The following KMT5B variants were observed in gnomAD, a reference collection of about 807,000 sequenced individuals.
KMT5B encodes lysine methyltransferase 5B.
A neutral mutation model predicts 83.2 loss-of-function variants in KMT5B; 10 were observed. The observed-to-expected ratio is 0.12, with a 90% CI of 0.07 to 0.20. KMT5B has a LOEUF of 0.20. Ranked by LOEUF, KMT5B falls within the 10% of genes least tolerant of loss-of-function variation. KMT5B has a pLI of 1.00. For missense variants in KMT5B, 753 were observed against 1,067.2 expected, an observed-to-expected ratio of 0.71 and a Z score of 4.10; for synonymous variants, 349 against 388.8, an observed-to-expected ratio of 0.90 and a Z score of 1.20.
chr11:68,185,211 C>CT (rs71461691), intron 3 of KMT5B, among the ~76,000 whole-genome samples: 56 of 147,040 alleles, frequency 3.8e-4, no homozygotes, highest in East Asian at 7.9e-4. Context: ...TTGTCATCAC[C>CT]TTTTTTTTTT....
At chr11:68,181,478 G>A (rs950399710) in intron 3 of KMT5B, among the ~76,000 whole-genome samples, 1 of 152,132 alleles carries the variant, frequency 6.6e-6, no homozygotes, top group Non-Finnish European at 1.5e-5. Flanking sequence ...CAAATTACAG[G>A]TGCATAAACA....
chr11:68,167,242 C>T, intron 9 of KMT5B, 64 bp from the exon 10 acceptor site: 1 of 1,528,554 alleles, frequency 6.5e-7, no homozygotes, highest in South Asian at 1.2e-5. Context: ...AGCTTAACTG[C>T]TGAGGGTACT....
chr11:68,173,636 G>C (rs1856057113), intron 6 of KMT5B, among the ~76,000 whole-genome samples, 168 bp downstream of exon 6: 1 of 152,132 alleles, frequency 6.6e-6, no homozygotes, highest in African/African-American at 2.4e-5. Context: ...TGAGACTTCC[G>C]ATTTCCCCAC....
chr11:68,171,169 C>T lies in KMT5B; in HGVS notation c.841-18G>A, dbSNP rs770488068. 5.0e-6 allele frequency: 8 copies of T among 1,609,010 alleles called. No individual in the cohort carries two copies. The South Asian group carries it at 5.6e-5, about 11-fold the overall frequency. Reference sequence around the variant, plus strand: ...GACACAAACTAAAATAAAAGTAACTCAGTAAGAAACTCACACCTGAAGCAA... The same window carrying T: ...GACACAAACTAAAATAAAAGTAACTTAGTAAGAAACTCACACCTGAAGCAA... On this transcript the variant is annotated intron_variant, in intron 8 of 10. Coordinates refer to ENST00000304363, the MANE Select transcript of KMT5B (RefSeq NM_017635.5). The surrounding 1 kb of genome is among the most constrained non-coding windows in gnomAD (Gnocchi z 5.1).
At chr11:68,182,047 C>T (rs1018624963) in intron 3 of KMT5B, among the ~76,000 whole-genome samples, 2 of 152,206 alleles carry the variant, frequency 1.3e-5, no homozygotes, top group African/African-American at 4.8e-5. Flanking sequence ...ATGATTTCTT[C>T]TGCAAGTTTA....
At chr11:68,201,882 C>G (rs2153084481) in intron 1 of KMT5B, among the ~76,000 whole-genome samples, 1 of 150,456 alleles carries the variant, frequency 6.6e-6, no homozygotes, top group South Asian at 2.1e-4. Flanking sequence ...GAGTTCAAGA[C>G]CAGCCTGGGC....
chr11:68,202,147 T>G (rs1051355991), intron 1 of KMT5B, among the ~76,000 whole-genome samples: 3 of 152,174 alleles, frequency 2.0e-5, no homozygotes, highest in African/African-American at 7.2e-5. Flanking sequence ...AAAACATTTT[T>G]CAAGTGATTT....
chr11:68,188,540 T>A (rs146558451), intron 2 of KMT5B, among the ~76,000 whole-genome samples: 253 of 152,190 alleles, frequency 1.7e-3, no homozygotes, highest in Non-Finnish European at 3.1e-3. Context: ...GTAGTTTTTG[T>A]AGACACAGGG....
Position 68,158,531 on chromosome 11 carries a change from A to G in KMT5B, c.1815T>C (p.Ser605=). The G allele has an allele frequency of 6.2e-7, 1 of 1,613,934 alleles. No individual in the cohort carries two copies. The highest frequency in any genetic ancestry group is 1.1e-5 in the South Asian group (1 of 91,064). The part of the protein sequence containing the change: ...AQKGEAKCHK[S]DTGMSKKKSR... ...ACTTCTTTTTGGACATGCCTGTGTC[A>G]CTCTTATGACACTTTGCCTCCCCTT... Residue 605 remains serine, a synonymous_variant, in exon 11 of 11, where the codon AGT becomes AGC. Coordinates refer to ENST00000304363, the MANE Select transcript of KMT5B (RefSeq NM_017635.5).
At chr11:68,188,952 CA>C (rs2153071120) in intron 2 of KMT5B, among the ~76,000 whole-genome samples, 1 of 152,276 alleles carries the variant, frequency 6.6e-6, no homozygotes, top group Non-Finnish European at 1.5e-5. Flanking sequence ...ACTCTTGTCC[CA>C]AGCAGGAATT....
chr11:68,167,272 G>A, intron 9 of KMT5B, 94 bp from the exon 10 acceptor site: 2 of 1,462,414 alleles, frequency 1.4e-6, no homozygotes, highest in African/African-American at 1.4e-5. Flanking sequence ...GTTAACAGAT[G>A]TGATGAGCTG....
chr11:68,198,396 G>GAGAAA (rs754249741), intron 1 of KMT5B, among the ~76,000 whole-genome samples: 1 of 148,116 alleles, frequency 6.8e-6, no homozygotes, highest in Non-Finnish European at 1.5e-5. Flanking sequence ...AAGAAAAGAA[G>GAGAAA]AGAAAAGAAG....
rs1265493182 is a variant in KMT5B at position 68,171,756 on chromosome 11, AGTAAGG to A, written c.654-53_654-48del. 1 of 1,392,668 alleles carries A rather than the reference AGTAAGG, an allele frequency of 7.2e-7. No individual in the cohort carries two copies. Among genetic ancestry groups the A allele is most frequent in the Non-Finnish European group, 1.0e-6 (1 of 1,000,078 alleles). 86.3% of individuals were successfully genotyped at this position (1,392,668 alleles called of 1,614,324 possible). On this transcript the variant is annotated intron_variant, in intron 6 of 10. Coordinates refer to ENST00000304363, the MANE Select transcript of KMT5B (RefSeq NM_017635.5). The surrounding 1 kb of genome is among the most constrained non-coding windows in gnomAD (Gnocchi z 5.1). ...TTAAAAATTACTAGTAATTAAATATAGTAAGGCTTCTTTTAATAAAATAATCCTGAC... is the reference window on the plus strand; with the variant it reads ...TTAAAAATTACTAGTAATTAAATATACTTCTTTTAATAAAATAATCCTGAC...
rs2153038973 is a variant in KMT5B at position 68,156,365 on chromosome 11, T to C, written c.*1323A>G. 1 of 152,714 alleles carries C rather than the reference T, an allele frequency of 6.5e-6. No individual in the cohort carries two copies. Among genetic ancestry groups the C allele is most frequent in the South Asian group, 2.1e-4 (1 of 4,830 alleles). 9.5% of individuals were successfully genotyped at this position (152,714 alleles called of 1,614,324 possible). The stretch of plus-strand genomic sequence containing the variant: ...CCTGGTATTGAACATAAAGTAGTAA[T>C]AAAAATTTGCTCATTAAGTTAATTA... On this transcript the variant is annotated 3_prime_UTR_variant, in exon 11 of 11. Coordinates refer to ENST00000304363, the MANE Select transcript of KMT5B (RefSeq NM_017635.5).
chr11:68,170,591 C>T (rs546769297), intron 9 of KMT5B, among the ~76,000 whole-genome samples: 9 of 152,288 alleles, frequency 5.9e-5, no homozygotes, highest in African/African-American at 1.7e-4. Flanking sequence ...TATCAGGGAA[C>T]AACTCTTAAG....
In KMT5B at chr11:68,175,069, C is replaced by T. The variant is rs779762696; in HGVS notation, c.492G>A (p.Arg164=). Residue 164 remains arginine, a synonymous_variant, in exon 5 of 11, where the codon CGG becomes CGA. Transcript: ENST00000304363. ...TTTTATTCTTGTTGAGAAAATAGTG[C>T]CGTGCCCATTCGCCTGAAGTCAAAC... ...FKCLTSGEWA[R]HYFLNKNKMQ... is the part of the protein sequence containing the mutation. 1.1e-5 allele frequency: 17 copies of T among 1,613,828 alleles called. No homozygotes were observed. The highest frequency in any genetic ancestry group is 1.6e-4 in the Middle Eastern group (1 of 6,082).
chr11:68,161,068 C>T (rs1854816869), intron 10 of KMT5B, among the ~76,000 whole-genome samples: 1 of 152,190 alleles, frequency 6.6e-6, no homozygotes. Flanking sequence ...AACATACTTA[C>T]ACATGTGGGC....
chr11:68,192,090 A>G (rs929623836), intron 1 of KMT5B, among the ~76,000 whole-genome samples: 2 of 152,240 alleles, frequency 1.3e-5, no homozygotes, highest in Non-Finnish European at 2.9e-5. Context: ...GGTGTGTAGT[A>G]GGCTAGACTA....
intron 10 of KMT5B, chr11:68,166,347 C>A (rs1232126009): frequency 9.6e-7 from 1 of 1,038,804 alleles, no homozygotes; most frequent in African/African-American, 1.7e-5. Flanking sequence ...TGCCCCCACA[C>A]ACCACTGGAA....
Sources: allele counts gnomAD v4.1 joint callset (sites outside exome capture counted in the v4.1 genomes callset), GRCh38; gene constraint gnomAD v4.1.1; non-coding constraint Gnocchi (gnomAD v3.1); transcripts MANE v1.5; gene names NCBI Gene and HGNC (gene_info 2026-07-23, HGNC 2026-07-21).